DOCK5: variants seen among roughly 807,000 people sequenced by gnomAD.
DOCK5 encodes dedicator of cytokinesis 5, also known as dedicator of cytokinesis protein 5.
Under a neutral mutation model 251.8 loss-of-function variants are expected in DOCK5, and 142 were observed. That is an observed-to-expected ratio of 0.56 (90% CI 0.49 to 0.65). DOCK5 has a LOEUF of 0.65. DOCK5 is among the 30% of genes least tolerant of loss of function. DOCK5 has a pLI of 0.00. For synonymous variants in DOCK5, 842 were observed against 835.5 expected, an observed-to-expected ratio of 1.01 and a Z score of -0.13; for missense variants, 2,111 against 2,312.3, an observed-to-expected ratio of 0.91 and a Z score of 1.79.
chr8:25,366,539 T>C (rs1230804531), intron 30 of DOCK5, among the ~76,000 whole-genome samples: 3 of 152,324 alleles, frequency 2.0e-5, no homozygotes, highest in Non-Finnish European at 4.4e-5. Context: ...GTCCTAAAAG[T>C]GTTTACTAAT....
intron 2 of DOCK5, among the ~76,000 whole-genome samples, chr8:25,263,441 C>T (rs778076700): frequency 9.9e-5 from 15 of 151,880 alleles, no homozygotes; most frequent in African/African-American, 7.3e-5. Context: ...AATCCCAATC[C>T]GGCAGCACAG....
At chr8:25,342,114 A>G (rs954129899) in intron 24 of DOCK5, among the ~76,000 whole-genome samples, 2 of 152,156 alleles carry the variant, frequency 1.3e-5, no homozygotes, top group Non-Finnish European at 2.9e-5. Flanking sequence ...TGCAATCAAC[A>G]TGAGAGTGGA....
chr8:25,332,146 C>A (rs1203365460), intron 18 of DOCK5, 105 bp from the exon 19 acceptor site: 2 of 704,536 alleles, frequency 2.8e-6, no homozygotes, highest in Non-Finnish European at 4.7e-6. Context: ...CTTGAATTAG[C>A]CACTATTGAG....
chr8:25,272,855 A>G (rs141718261), intron 3 of DOCK5, among the ~76,000 whole-genome samples: 35 of 152,026 alleles, frequency 2.3e-4, no homozygotes, highest in African/African-American at 8.4e-4. Flanking sequence ...TTAGATACTA[A>G]CTTCCTATTG....
intron 18 of DOCK5, among the ~76,000 whole-genome samples, chr8:25,325,934 C>T (rs1361652859): frequency 3.3e-5 from 5 of 152,188 alleles, no homozygotes; most frequent in African/African-American, 1.2e-4. Context: ...TAATCAGTTT[C>T]CTGTCCAAAC....
chr8:25,214,831 G>C (rs73558440), intron 1 of DOCK5, among the ~76,000 whole-genome samples: 4,749 of 152,278 alleles, frequency 0.031, 86 homozygotes, highest in South Asian at 0.043. Flanking sequence ...GTCCCTGGCT[G>C]CTCCGCTGAG....
chr8:25,362,985 G>T (rs542506649), intron 28 of DOCK5, 62 bp from the exon 29 acceptor site: 4 of 1,273,224 alleles, frequency 3.1e-6, no homozygotes, highest in South Asian at 1.2e-5. Context: ...TTGTATACAC[G>T]CCAGAATAAA....
At chr8:25,189,210 T>C (rs1444624537) in intron 1 of DOCK5, among the ~76,000 whole-genome samples, 2 of 152,068 alleles carry the variant, frequency 1.3e-5, no homozygotes, top group Non-Finnish European at 2.9e-5. Context: ...TTTTAAGTTT[T>C]AAAATATTAA....
intron 1 of DOCK5, among the ~76,000 whole-genome samples, chr8:25,223,603 C>T (rs1454000746): frequency 1.3e-5 from 2 of 152,244 alleles, no homozygotes; most frequent in African/African-American, 4.8e-5. Context: ...GTGTGAGCCA[C>T]TGCTTCTGGG....
chr8:25,281,342 C>T (rs963767191), intron 5 of DOCK5, among the ~76,000 whole-genome samples: 4 of 150,690 alleles, frequency 2.7e-5, no homozygotes, highest in African/African-American at 7.3e-5. Flanking sequence ...GCAGGAGAAT[C>T]GCAGGAGAAT....
chr8:25,390,868 G>A (rs529387119), intron 42 of DOCK5, among the ~76,000 whole-genome samples: 1 of 151,862 alleles, frequency 6.6e-6, no homozygotes, highest in Admixed American at 6.6e-5. Context: ...GGAGTACAGT[G>A]CGTGATCTTG....
At chr8:25,299,212 A>T (rs973377531) in intron 8 of DOCK5, 111 bp downstream of exon 8, 1 of 1,260,832 alleles carries the variant, frequency 7.9e-7, no homozygotes, top group Non-Finnish European at 1.1e-6. Context: ...ATAGGGAAGC[A>T]TGGAAGATTT....
chr8:25,358,350 A>G (rs1800615198), intron 27 of DOCK5, among the ~76,000 whole-genome samples: 1 of 152,214 alleles, frequency 6.6e-6, no homozygotes, highest in South Asian at 2.1e-4. Context: ...CTCACTCACT[A>G]TCACGAGACT....
At chr8:25,367,120 C>T (rs1426347130) in intron 31 of DOCK5, 150 bp downstream of exon 31, 7 of 673,152 alleles carry the variant, frequency 1.0e-5, no homozygotes, top group Non-Finnish European at 1.8e-5. Context: ...TAATAGGCCT[C>T]ACATTCACCC....
At chr8:25,237,321 G>A (rs771395452) in intron 1 of DOCK5, among the ~76,000 whole-genome samples, 1 of 152,076 alleles carries the variant, frequency 6.6e-6, no homozygotes, top group Non-Finnish European at 1.5e-5. Context: ...AGTGACCCAC[G>A]ATTGTGCCAC....
intron 45 of DOCK5, among the ~76,000 whole-genome samples, chr8:25,398,898 A>G (rs528206674): frequency 4.4e-4 from 67 of 152,220 alleles, no homozygotes; most frequent in Non-Finnish European, 8.8e-4. Flanking sequence ...AATTCAACCC[A>G]TAATGTCTGC....
intron 27 of DOCK5, among the ~76,000 whole-genome samples, chr8:25,354,948 T>C (rs1369058376): frequency 1.3e-5 from 2 of 152,072 alleles, no homozygotes; most frequent in African/African-American, 4.8e-5. Flanking sequence ...AATCAAGATA[T>C]TTAGGCCAAG....
At chr8:25,194,553 A>C (rs1266380714) in intron 1 of DOCK5, among the ~76,000 whole-genome samples, 1 of 151,958 alleles carries the variant, frequency 6.6e-6, no homozygotes, top group Non-Finnish European at 1.5e-5. Context: ...AAGTGATCTC[A>C]TCCCCCGCCT....
intron 5 of DOCK5, among the ~76,000 whole-genome samples, chr8:25,291,013 G>T (rs1804471979): frequency 6.6e-6 from 1 of 152,190 alleles, no homozygotes; most frequent in Non-Finnish European, 1.5e-5. Context: ...AGGATCTGGA[G>T]CCTTGGAGAG....
Sources: gnomAD v4.1 joint callset for allele counts (sites outside exome capture counted in the v4.1 genomes callset) on GRCh38, gnomAD v4.1.1 for gene constraint, MANE v1.5 for transcripts, NCBI Gene and HGNC (gene_info 2026-07-23, HGNC 2026-07-21) for gene names.